ZNF17: variants seen among roughly 807,000 people sequenced by gnomAD.
The protein encoded by ZNF17 is zinc finger protein 17 (HPF3, KOX 10).
In ZNF17, 4 loss-of-function variants were observed where a neutral mutation model predicts 7.7. That is an observed-to-expected ratio of 0.52 (90% CI 0.26 to 1.20). ZNF17 has a LOEUF of 1.20. Among genes scored for constraint, ZNF17 ranks in the 50% most tolerant of loss-of-function variants. The pLI is 0.14. For synonymous variants in ZNF17, 249 were observed against 258.8 expected, an observed-to-expected ratio of 0.96 and a Z score of 0.36; for missense variants, 738 against 799.5, an observed-to-expected ratio of 0.92 and a Z score of 0.93.
intron 1 of ZNF17, among the ~76,000 whole-genome samples, chr19:57,412,476 G>A (rs1346537762): frequency 1.4e-5 from 2 of 146,770 alleles, no homozygotes; most frequent in Non-Finnish European, 3.0e-5. Flanking sequence ...ACAGAGTCTC[G>A]CTCCATCGCC....
At position 57,420,520 on chromosome 19, in the gene ZNF17, C is replaced by T; in HGVS notation, c.1034C>T (p.Ser345Leu). ...NECGKYFMYS[S>L]ALIRHQKVHT... Reference sequence around the variant, plus strand: ...TGTGGGAAATACTTTATGTACAGTTCAGCACTCATTAGACATCAGAAAGTT... The same window carrying T: ...TGTGGGAAATACTTTATGTACAGTTTAGCACTCATTAGACATCAGAAAGTT... Residue 345 changes from serine to leucine, a missense_variant, in exon 4 of 4, where the codon TCA becomes TTA. Coordinates refer to ENST00000307658, the MANE Select transcript of ZNF17 (RefSeq NM_001330617.2). 1 of 1,613,936 alleles carries T rather than the reference C, an allele frequency of 6.2e-7. No homozygotes were observed. Among genetic ancestry groups the T allele is most frequent in the Non-Finnish European group, 8.5e-7 (1 of 1,180,000 alleles).
Position 57,413,614 on chromosome 19 carries a change from C to A in ZNF17, c.-2C>A, listed in dbSNP as rs1032409204. Reference sequence around the variant, plus strand: ...CCCACAGGGTTCATAGCAGTGGCAGCAATGCTTATGGATGCTGGACAGGTG... The same window carrying A: ...CCCACAGGGTTCATAGCAGTGGCAGAAATGCTTATGGATGCTGGACAGGTG... On this transcript the variant is annotated 5_prime_UTR_variant, in exon 2 of 4. Coordinates refer to ENST00000307658, the MANE Select transcript of ZNF17 (RefSeq NM_001330617.2). The A allele has an allele frequency of 6.5e-7, 1 of 1,536,078 alleles. No individual in the cohort carries two copies. The highest frequency in any genetic ancestry group is 2.0e-5 in the Admixed American group (1 of 50,998).
chr19:57,417,431 TAGG>T (rs1303352458), intron 2 of ZNF17, among the ~76,000 whole-genome samples: 1 of 152,156 alleles, frequency 6.6e-6, no homozygotes, highest in East Asian at 1.9e-4. Flanking sequence ...GATTGTTAGA[TAGG>T]AGGCAGTTCA....
rs1243160168 is a variant in ZNF17, at chr19:57,420,966, C to T, written c.1480C>T (p.His494Tyr). The stretch of plus-strand genomic sequence containing the variant: ...TACACTGAAGAGTCATCAGAGAGTT[C>T]ACACTGGAGAAAGACCTTTTGAATG... ...SCTLKSHQRVHTGERPFECSI... is the reference protein window; with the variant it reads ...SCTLKSHQRVYTGERPFECSI... The change falls in exon 4 of 4, where the codon CAC becomes TAC. Residue 494 changes from histidine (H) to tyrosine (Y), a missense_variant. Coordinates refer to ENST00000307658, the MANE Select transcript of ZNF17 (RefSeq NM_001330617.2). The T allele has an allele frequency of 1.2e-6, 2 of 1,614,120 alleles. No individual in the cohort carries two copies.
chr19:57,413,298 G>A (rs937880591), intron 1 of ZNF17: 10 of 330,200 alleles, frequency 3.0e-5, no homozygotes, highest in East Asian at 4.6e-5. Flanking sequence ...CATTTGTACC[G>A]AAAACATGTA....
chr19:57,416,776 G>A (rs920656885), intron 2 of ZNF17, among the ~76,000 whole-genome samples: 2 of 152,196 alleles, frequency 1.3e-5, no homozygotes, highest in African/African-American at 4.8e-5. Flanking sequence ...CCAAAGTGCT[G>A]GGATTAGAGG....
chr19:57,419,660 G>A lies in ZNF17; in HGVS notation c.174G>A (p.Glu58=). 1 of 1,613,366 alleles carries A rather than the reference G, an allele frequency of 6.2e-7. No homozygotes were observed. The highest frequency in any genetic ancestry group is 8.5e-7 in the Non-Finnish European group (1 of 1,179,416). ...GTTGTTGGCATGGAGCCAAGGATGA[G>A]GAGGCACCTTCCAAGCAATGTGTTT... The part of the protein sequence containing the change: ...SVGCWHGAKD[E]EAPSKQCVSV... Residue 58 remains glutamate (E), a synonymous_variant, in exon 4 of 4, where the codon GAG becomes GAA. Coordinates refer to ENST00000307658, the MANE Select transcript of ZNF17 (RefSeq NM_001330617.2).
In ZNF17 at chr19:57,417,980, T is replaced by G. The variant is rs763417537; in HGVS notation, c.90T>G (p.Val30=). 2.8e-5 allele frequency: 45 copies of G among 1,614,048 alleles called. No individual in the cohort carries two copies. Residue 30 remains valine, a synonymous_variant, in exon 3 of 4, where the codon GTT becomes GTG. Coordinates refer to ENST00000307658, the MANE Select transcript of ZNF17 (RefSeq NM_001330617.2). ...SQEEWGILND[V]QRHLHSDVML... is the part of the protein sequence containing the mutation. The stretch of plus-strand genomic sequence containing the variant: ...AGGAGTGGGGAATTCTTAATGACGT[T>G]CAGAGACACCTGCACAGCGATGTGA...
intron 3 of ZNF17, among the ~76,000 whole-genome samples, chr19:57,418,762 T>C (rs188909199): frequency 6.6e-6 from 1 of 152,334 alleles, no homozygotes; most frequent in East Asian, 1.9e-4. Flanking sequence ...CCCCTGCCAG[T>C]GGCCACACCG....
At chr19:57,418,184 C>A in intron 3 of ZNF17, 146 bp downstream of exon 3, 2 of 1,080,162 alleles carry the variant, frequency 1.9e-6, no homozygotes, top group Non-Finnish European at 2.7e-6. Context: ...TACAGCTGGG[C>A]TGTGTGATCT....
chr19:57,420,558 A>G lies in ZNF17; in HGVS notation c.1072A>G (p.Arg358Gly), dbSNP rs1244764145. ...ACATCAGAAAGTTCACACTGGAGAA[A>G]GGCCTTTTTATTGCTGTGAATGTGG... ...IRHQKVHTGE[R>G]PFYCCECGKF... Residue 358 changes from arginine (R) to glycine (G), a missense_variant, in exon 4 of 4, where the codon AGG becomes GGG. This residue lies in a region of ZNF17 where 616 missense variants were observed against 663.9 expected (regional missense o/e 0.93). Transcript: ENST00000307658. The G allele has an allele frequency of 3.1e-6, 5 of 1,614,076 alleles. No individual in the cohort carries two copies. The highest frequency in any genetic ancestry group is 1.6e-4 in the Middle Eastern group (1 of 6,084).
At chr19:57,416,363 C>T (rs574750736) in intron 2 of ZNF17, among the ~76,000 whole-genome samples, 1 of 152,088 alleles carries the variant, frequency 6.6e-6, no homozygotes, top group East Asian at 1.9e-4. Flanking sequence ...AGTGGAGGAG[C>T]ATGAATAGAT....
intron 1 of ZNF17, 81 bp downstream of exon 1, chr19:57,411,487 C>A: frequency 3.2e-6 from 5 of 1,559,264 alleles, no homozygotes; most frequent in Non-Finnish European, 4.3e-6. Context: ...GCAGGTCAGG[C>A]CCCTGTGTCC....
chr19:57,417,319 G>C (rs959958093), intron 2 of ZNF17, among the ~76,000 whole-genome samples: 1 of 152,058 alleles, frequency 6.6e-6, no homozygotes, highest in African/African-American at 2.4e-5. Context: ...GCTTAAGACT[G>C]GGTAGTTTGC....
Position 57,413,643 on chromosome 19 carries a change from G to A in ZNF17, c.21+7G>A. 1 of 1,536,114 alleles carries A rather than the reference G, an allele frequency of 6.5e-7. No individual in the cohort carries two copies. On this transcript the variant is annotated splice_region_variant and intron_variant, in intron 2 of 3. Coordinates refer to ENST00000307658, the MANE Select transcript of ZNF17 (RefSeq NM_001330617.2). Reference sequence around the variant, plus strand: ...GCTTATGGATGCTGGACAGGTGAGTGGAGAGTGTTTCCAGCTTTCACCCAT... The same window carrying A: ...GCTTATGGATGCTGGACAGGTGAGTAGAGAGTGTTTCCAGCTTTCACCCAT...
rs775014735 is a variant in ZNF17 at position 57,420,130 on chromosome 19, C to T, written c.644C>T (p.Thr215Ile). 19 of 1,614,228 alleles carry T rather than the reference C, an allele frequency of 1.2e-5. No homozygotes were observed. Among genetic ancestry groups the T allele is most frequent in the Non-Finnish European group, 1.5e-5 (18 of 1,180,050 alleles). ...CTGTTTGAGCACCAGAAAATCCACA[C>T]AGAGGAAAGGCCTTATGAGTGCAGT... is the stretch of plus-strand genomic sequence containing the variant. The part of the protein sequence containing the change: ...HTLFEHQKIH[T>I]EERPYECSEC... Residue 215 changes from threonine (T) to isoleucine (I), a missense_variant, in exon 4 of 4, where the codon ACA (threonine) becomes ATA (isoleucine). Around this residue, in one of 3 missense-constraint regions of ZNF17, gnomAD observed 616 missense variants for 663.9 expected, o/e 0.93. Transcript: ENST00000307658.
In ZNF17 at chr19:57,411,356, C is replaced by T. The variant is rs762777224; in HGVS notation, c.-71C>T. The T allele has an allele frequency of 1.2e-5, 20 of 1,611,180 alleles. No homozygotes were observed. The highest frequency in any genetic ancestry group is 5.0e-5 in the Admixed American group (3 of 59,726). On this transcript the variant is annotated 5_prime_UTR_variant, in exon 1 of 4. Transcript: ENST00000307658. ...GTCCAGGTCACTGCCGCTCCCGCCC[C>T]GCTCTTCCCTGGCTGTGCTGGCGGA...
At position 57,421,360 on chromosome 19, in the gene ZNF17, C is replaced by G; in HGVS notation, c.1874C>G (p.Ser625Cys). The part of the protein sequence containing the change: ...SECGKVFRYN[S>C]SLIKHRRIHT... ...TGTGGGAAAGTCTTTAGATACAACT[C>G]CAGCCTCATTAAACATCGGAGAATT... is the stretch of plus-strand genomic sequence containing the variant. The change falls in exon 4 of 4, where the codon TCC (serine) becomes TGC (cysteine). Residue 625 changes from serine to cysteine, a missense_variant. By Grantham distance (112) the Ser-to-Cys change is moderately radical (BLOSUM62 -1). Transcript: ENST00000307658. 6.2e-7 allele frequency: 1 copy of G among 1,614,070 alleles called. No individual in the cohort carries two copies.
chr19:57,413,574 C>T (rs1183370340), intron 1 of ZNF17, 22 bp from the exon 2 acceptor site: 20 of 1,535,532 alleles, frequency 1.3e-5, no homozygotes, highest in Admixed American at 3.9e-5. Flanking sequence ...TCTTAATCCT[C>T]ATGGCCTGCC....
Sources: allele counts gnomAD v4.1 joint callset (sites outside exome capture counted in the v4.1 genomes callset), GRCh38; gene constraint gnomAD v4.1.1; regional missense constraint gnomAD v4.1.1; transcripts MANE v1.5; gene names NCBI Gene and HGNC (gene_info 2026-07-23, HGNC 2026-07-21).